GNA11: variants seen among roughly 807,000 people sequenced by gnomAD.
GNA11 encodes the protein G protein subunit alpha 11, also known as guanine nucleotide-binding protein subunit alpha-11.
A neutral mutation model predicts 38.2 loss-of-function variants in GNA11; 8 were observed. The ratio of observed to expected loss-of-function variants is 0.21; its 90% CI spans 0.12 to 0.38. The LOEUF (loss-of-function observed/expected upper bound fraction) is 0.38. GNA11 is among the 10% of genes least tolerant of loss of function. The pLI, the probability that GNA11 is intolerant of heterozygous loss-of-function variation, is 1.00. For missense variants in GNA11, 268 were observed against 516.3 expected, an observed-to-expected ratio of 0.52 and a Z score of 4.66; for synonymous variants, 211 against 221.4, an observed-to-expected ratio of 0.95 and a Z score of 0.42.
intron 1 of GNA11, among the ~76,000 whole-genome samples, chr19:3,095,545 T>A (rs1002088168): frequency 7.4e-6 from 1 of 135,650 alleles, no homozygotes; most frequent in African/African-American, 2.9e-5. Flanking sequence ...CCCCGAAGAC[T>A]CCTCCGTGTC....
chr19:3,119,827 G>A lies in GNA11; in HGVS notation c.889+468G>A, dbSNP rs187724094. Reference sequence around the variant, plus strand: ...CCAGCGCAGCCCCGTGGGGACCTTGGTGGTAGTCCCTGCATCCTCCTCTGT... The same window carrying A: ...CCAGCGCAGCCCCGTGGGGACCTTGATGGTAGTCCCTGCATCCTCCTCTGT... On this transcript the variant is annotated intron_variant, in intron 6 of 6. Coordinates refer to ENST00000078429, the MANE Select transcript of GNA11 (RefSeq NM_002067.5). The surrounding 1 kb of genome is among the most constrained non-coding windows in gnomAD (Gnocchi z 4.6). 6.6e-6 allele frequency among the ~76,000 whole-genome samples: 1 copy of A among 152,090 alleles called. No individual in the cohort carries two copies. Among genetic ancestry groups the A allele is most frequent in the Non-Finnish European group, 1.5e-5 (1 of 67,932 alleles).
chr19:3,102,416 T>C (rs960872381), intron 1 of GNA11, among the ~76,000 whole-genome samples: 1 of 152,212 alleles, frequency 6.6e-6, no homozygotes, highest in African/African-American at 2.4e-5. Context: ...CAGCTCTTTC[T>C]TGAGCCTCAG....
At chr19:3,104,960 G>A (rs75924000) in intron 1 of GNA11, among the ~76,000 whole-genome samples, 5,752 of 152,200 alleles carry the variant, frequency 0.038, 353 homozygotes, top group African/African-American at 0.13. Context: ...AGCAAGGGTC[G>A]CACACAGCTG....
chr19:3,115,266 G>A (rs1217799016), intron 4 of GNA11, 194 bp downstream of exon 4: 14 of 552,186 alleles, frequency 2.5e-5, no homozygotes, highest in South Asian at 4.3e-5. Context: ...TTAGCTGGGC[G>A]TGGTTGTGTG....
intron 1 of GNA11, among the ~76,000 whole-genome samples, chr19:3,102,418 G>A (rs1258733204): frequency 6.6e-6 from 1 of 152,200 alleles, no homozygotes; most frequent in Non-Finnish European, 1.5e-5. Flanking sequence ...GCTCTTTCTT[G>A]AGCCTCAGCA....
In GNA11 at chr19:3,110,247, G is replaced by A. The variant is rs777099166; in HGVS notation, c.235G>A (p.Val79Ile). Residue 79 changes from valine (V) to isoleucine (I), a missense_variant, in exon 2 of 7, where the codon GTC becomes ATC. Val to Ile is a conservative substitution (Grantham distance 29). Transcript: ENST00000078429. The surrounding 1 kb of genome is among the most constrained non-coding windows in gnomAD (Gnocchi z 5.4). Reference protein sequence around the residue: ...EEDKRGFTKLVYQNIFTAMQA... With the variant: ...EEDKRGFTKLIYQNIFTAMQA... ...GGACAAGCGCGGCTTCACCAAGCTC[G>A]TCTACCAGAACATCTTCACCGCCAT... The A allele has an allele frequency of 6.8e-6, 11 of 1,613,894 alleles. No homozygotes were observed. Among genetic ancestry groups the A allele is most frequent in the African/African-American group, 2.7e-5 (2 of 74,918 alleles).
Position 3,123,517 on chromosome 19 carries a change from T to C in GNA11, c.*2338T>C. ...CCACGTGGGCATGTGGGGTGTGTGT[T>C]TTTACCTTGGTGAATCTCACCTGCC... On this transcript the variant is annotated 3_prime_UTR_variant, in exon 7 of 7. Transcript: ENST00000078429. 4.3e-6 allele frequency: 1 copy of C among 233,110 alleles called. No homozygotes were observed. The highest frequency in any genetic ancestry group is 8.5e-6 in the Non-Finnish European group (1 of 117,944). 14.4% of individuals were successfully genotyped at this position (233,110 alleles called of 1,614,324 possible).
intron 1 of GNA11, among the ~76,000 whole-genome samples, chr19:3,107,611 A>T (rs1304154128): frequency 1.9e-4 from 29 of 152,168 alleles, no homozygotes; most frequent in Non-Finnish European, 1.5e-5. Context: ...CGGAGCAGCC[A>T]TCTTTTGTAA....
At chr19:3,103,294 A>G (rs1360275181) in intron 1 of GNA11, among the ~76,000 whole-genome samples, 1 of 150,258 alleles carries the variant, frequency 6.7e-6, no homozygotes, top group East Asian at 2.0e-4. Flanking sequence ...GCTCACTGCA[A>G]CCTCTGCCTC....
intron 1 of GNA11, among the ~76,000 whole-genome samples, chr19:3,095,670 A>G (rs2145301462): frequency 6.6e-6 from 1 of 152,026 alleles, no homozygotes; most frequent in Non-Finnish European, 1.5e-5. Flanking sequence ...TCCTCTCCTC[A>G]GGGTTCCGCT....
At position 3,110,300 on chromosome 19, in the gene GNA11, G is replaced by A. The variant is rs1913740371; in HGVS notation, c.288G>A (p.Thr96=). The change falls in exon 2 of 7, where the codon ACG becomes ACA. Residue 96 remains threonine (T), a synonymous_variant. Transcript: ENST00000078429. The surrounding 1 kb of genome is among the most constrained non-coding windows in gnomAD (Gnocchi z 5.4). ...AGGCCATGATCCGGGCCATGGAGAC[G>A]CTCAAGATCCTCTACAAGTACGAGC... ...AMQAMIRAME[T]LKILYKYEQN... The A allele has an allele frequency of 2.0e-5, 32 of 1,613,848 alleles. No homozygotes were observed. The highest frequency in any genetic ancestry group is 2.4e-5 in the Non-Finnish European group (28 of 1,179,918).
Position 3,096,799 on chromosome 19 carries a change from G to C in GNA11, c.136+2012G>C, listed in dbSNP as rs541606767. On this transcript the variant is annotated intron_variant, in intron 1 of 6. Transcript: ENST00000078429. ...GGCTCAGGGCCAGGCGTGGCAGATA[G>C]GACAGTGAGGAAGATGTGAGCTCAC... Among the ~76,000 whole-genome samples, 12 of 152,208 alleles carry C rather than the reference G, an allele frequency of 7.9e-5. No homozygotes were observed. The East Asian group carries it at 2.3e-3, about 29-fold the overall frequency.
rs777133920 is a variant in GNA11, at chr19:3,121,054, G to A, written c.955G>A (p.Asp319Asn). Reference protein sequence around the residue: ...ILKMFVDLNPDSDKIIYSHFT... With the variant: ...ILKMFVDLNPNSDKIIYSHFT... ...GAAGATGTTCGTGGACCTGAACCCC[G>A]ACAGCGACAAGATCATCTACTCACA... The change falls in exon 7 of 7, where the codon GAC becomes AAC. Residue 319 changes from aspartate to asparagine, a missense_variant. By Grantham distance (23) the Asp-to-Asn change is conservative. This residue lies in a region of GNA11 where 92 missense variants were observed against 166.7 expected (regional missense o/e 0.55). Transcript: ENST00000078429. 5 of 1,613,698 alleles carry A rather than the reference G, an allele frequency of 3.1e-6. No individual in the cohort carries two copies. The highest frequency in any genetic ancestry group is 4.2e-6 in the Non-Finnish European group (5 of 1,179,756).
chr19:3,118,592 T>G, intron 4 of GNA11: 3 of 293,942 alleles, frequency 1.0e-5, no homozygotes, highest in East Asian at 6.3e-5. Context: ...AGATGCCAGA[T>G]GTAGGGTCCC....
At position 3,121,110 on chromosome 19, in the gene GNA11, C is replaced by T. The variant is rs1356009409; in HGVS notation, c.1011C>T (p.Ile337=). The T allele has an allele frequency of 6.2e-7, 1 of 1,613,816 alleles. No individual in the cohort carries two copies. The highest frequency in any genetic ancestry group is 8.5e-7 in the Non-Finnish European group (1 of 1,179,818). Residue 337 remains isoleucine (I), a synonymous_variant, in exon 7 of 7, where the codon ATC becomes ATT. Coordinates refer to ENST00000078429, the MANE Select transcript of GNA11 (RefSeq NM_002067.5). ...HFTCATDTEN[I]RFVFAAVKDT... is the part of the protein sequence containing the mutation. The stretch of plus-strand genomic sequence containing the variant: ...CGTGTGCCACCGACACGGAGAACAT[C>T]CGCTTCGTGTTCGCGGCCGTGAAGG...
intron 4 of GNA11, among the ~76,000 whole-genome samples, chr19:3,116,959 T>A (rs1219910152): frequency 6.6e-6 from 1 of 151,976 alleles, no homozygotes; most frequent in Non-Finnish European, 1.5e-5. Context: ...TCCTCCCAGC[T>A]CGGCCTCCCA....
chr19:3,119,505 A>C lies in GNA11; in HGVS notation c.889+146A>C. 1 of 627,592 alleles carries C rather than the reference A, an allele frequency of 1.6e-6. No individual in the cohort carries two copies. The highest frequency in any genetic ancestry group is 2.6e-6 in the Non-Finnish European group (1 of 379,920). The allele number at this position is 627,592 out of a possible 1,614,324, so 38.9% of individuals were successfully genotyped here. ...GTGTCATGTATGGGAGTGGAGTCTCAGGGAAGGGAGATCTCGTATGAGGGG... is the reference window on the plus strand; with the variant it reads ...GTGTCATGTATGGGAGTGGAGTCTCCGGGAAGGGAGATCTCGTATGAGGGG... On this transcript the variant is annotated intron_variant, in intron 6 of 6. Coordinates refer to ENST00000078429, the MANE Select transcript of GNA11 (RefSeq NM_002067.5). The surrounding 1 kb of genome is among the most constrained non-coding windows in gnomAD (Gnocchi z 4.6).
At chr19:3,097,864 G>A (rs894218708) in intron 1 of GNA11, among the ~76,000 whole-genome samples, 3 of 152,222 alleles carry the variant, frequency 2.0e-5, no homozygotes, top group African/African-American at 7.2e-5. Flanking sequence ...AGGGTGCTGA[G>A]CAGTGTCCGA....
rs377352813 is a variant in GNA11, at chr19:3,116,745, C to T, written c.605+1673C>T. 4.6e-5 allele frequency among the ~76,000 whole-genome samples: 7 copies of T among 152,330 alleles called. No homozygotes were observed. The East Asian group carries it at 1.3e-3, about 29-fold the overall frequency. On this transcript the variant is annotated intron_variant, in intron 4 of 6. Coordinates refer to ENST00000078429, the MANE Select transcript of GNA11 (RefSeq NM_002067.5). ...GTGGCTCCGGTTGCGGGTGCCTTCT[C>T]CTGCAGTGCAAGCTCGCCCTGGCAC...
Sources: gnomAD v4.1 joint callset for allele counts (sites outside exome capture counted in the v4.1 genomes callset) on GRCh38, gnomAD v4.1.1 for gene constraint, gnomAD v4.1.1 regional missense constraint, Gnocchi (gnomAD v3.1) non-coding constraint, MANE v1.5 for transcripts, NCBI Gene and HGNC (gene_info 2026-07-23, HGNC 2026-07-21) for gene names.